The following SLC25A28 variants were observed in gnomAD, a reference collection of about 807,000 sequenced individuals.
SLC25A28 encodes the protein mitoferrin-2.
Under a neutral mutation model 31.9 loss-of-function variants are expected in SLC25A28, and 10 were observed. That is an observed-to-expected ratio of 0.31 (90% CI 0.19 to 0.53). The LOEUF (loss-of-function observed/expected upper bound fraction) is 0.53. Among genes scored for constraint, SLC25A28 ranks in the 20% least tolerant of loss-of-function variants. The pLI is 0.95. For missense variants in SLC25A28, 256 were observed against 490.3 expected (o/e 0.52, Z 4.51); for synonymous variants, 208 against 203.6 (o/e 1.02, Z -0.19).
At chr10:99,624,237 TTC>T (rs143239655), upstream of SLC25A28, among the ~76,000 whole-genome samples, 60,891 of 148,242 alleles carry the variant, frequency 0.41, 12,885 homozygotes, top group East Asian at 0.54. Flanking sequence ...TCTTTCTTTT[TTC>T]TCTCTTTCTT....
chr10:99,655,983 A>G, the SLC25A28 span, among the ~76,000 whole-genome samples: 3 of 152,210 alleles, frequency 2.0e-5, no homozygotes, highest in African/African-American at 7.2e-5. Context: ...TCATTGGAAT[A>G]AGAAACTACT....
chr10:99,648,889 C>T, the SLC25A28 span, among the ~76,000 whole-genome samples: 1 of 152,104 alleles, frequency 6.6e-6, no homozygotes, highest in African/African-American at 2.4e-5. Context: ...GATAGAAGAT[C>T]ATATCATCAG....
chr10:99,624,089 CTCTT>C (rs765444274), upstream of SLC25A28, among the ~76,000 whole-genome samples: 54 of 150,424 alleles, frequency 3.6e-4, no homozygotes, highest in East Asian at 6.7e-3. Context: ...TTCCTTTCTT[CTCTT>C]TCTTTCTTCC....
At chr10:99,637,432 C>A in the SLC25A28 span, among the ~76,000 whole-genome samples, 1 of 152,070 alleles carries the variant, frequency 6.6e-6, no homozygotes, top group African/African-American at 2.4e-5. Context: ...ATGGAAGTCC[C>A]AGCCAGAGCA....
Position 99,611,413 on chromosome 10 carries a change from G to C in SLC25A28, c.578-47C>G. The C allele has an allele frequency of 6.3e-7, 1 of 1,598,164 alleles. No individual in the cohort carries two copies. The highest frequency in any genetic ancestry group is 8.5e-7 in the Non-Finnish European group (1 of 1,171,072). On this transcript the variant is annotated intron_variant, in intron 3 of 3. Transcript: ENST00000370495. This position sits in a 1 kb window ranked among gnomAD's most constrained non-coding sequence, Gnocchi z 5.5. ...AAGGAAATGGTGACAGCAGCCAACC[G>C]GTGATGGAGAGTATCCAGATTCAGA...
upstream of SLC25A28, chr10:99,622,627 AC>A: frequency 1.0e-6 from 1 of 985,202 alleles, no homozygotes; most frequent in Non-Finnish European, 1.2e-6. Flanking sequence ...ACTTGCCGCC[AC>A]ACCACATTGG....
chr10:99,620,032 G>A lies in SLC25A28; in HGVS notation c.291+13C>T, dbSNP rs764177764. ...AGCCCCAGGTCGGGTTCGAAGCCGG[G>A]TGCAGGTCTCACCTTGACGCAGTCG... On this transcript the variant is annotated intron_variant, in intron 1 of 3. Coordinates refer to ENST00000370495, the MANE Select transcript of SLC25A28 (RefSeq NM_031212.4). 4 of 1,568,982 alleles carry A rather than the reference G, an allele frequency of 2.5e-6. No individual in the cohort carries two copies. The highest frequency in any genetic ancestry group is 1.1e-5 in the South Asian group (1 of 89,658).
the SLC25A28 span, among the ~76,000 whole-genome samples, chr10:99,627,227 C>T: frequency 6.6e-6 from 1 of 151,754 alleles, no homozygotes; most frequent in South Asian, 2.1e-4. Context: ...GGCGACAGAC[C>T]GAGACAATCT....
chr10:99,645,195 C>T, the SLC25A28 span, among the ~76,000 whole-genome samples: 1 of 152,220 alleles, frequency 6.6e-6, no homozygotes, highest in Admixed American at 6.5e-5. Flanking sequence ...GTACACCAAT[C>T]AGATGTAGAT....
At chr10:99,630,593 A>T in the SLC25A28 span, among the ~76,000 whole-genome samples, 4 of 152,232 alleles carry the variant, frequency 2.6e-5, no homozygotes, top group Non-Finnish European at 5.9e-5. Flanking sequence ...TGAACATCCA[A>T]TTGGTGCTAG....
At chr10:99,626,748 T>G in the SLC25A28 span, among the ~76,000 whole-genome samples, 1 of 151,892 alleles carries the variant, frequency 6.6e-6, no homozygotes. Flanking sequence ...ATGTGGGATA[T>G]TCTGTGTACA....
the SLC25A28 span, among the ~76,000 whole-genome samples, chr10:99,642,047 T>C: frequency 3.4e-3 from 505 of 147,720 alleles, 2 homozygotes; most frequent in Non-Finnish European, 6.1e-3. Flanking sequence ...CTTGGCAATG[T>C]GGGCTCTTTT....
chr10:99,637,921 A>G, the SLC25A28 span, among the ~76,000 whole-genome samples: 1 of 152,200 alleles, frequency 6.6e-6, no homozygotes, highest in Non-Finnish European at 1.5e-5. Context: ...TACCGTCATC[A>G]TTCTTCGCAG....
upstream of SLC25A28, among the ~76,000 whole-genome samples, chr10:99,624,760 G>A (rs1041266046): frequency 2.6e-5 from 4 of 152,086 alleles, no homozygotes; most frequent in Admixed American, 6.5e-5. Flanking sequence ...ACTTGAACCC[G>A]GGATGCAGAG....
Position 99,611,496 on chromosome 10 carries a change from G to T in SLC25A28, c.578-130C>A. 3 of 1,170,164 alleles carry T rather than the reference G, an allele frequency of 2.6e-6. No homozygotes were observed. Among genetic ancestry groups the T allele is most frequent in the Non-Finnish European group, 3.6e-6 (3 of 836,040 alleles). The allele number at this position is 1,170,164 out of a possible 1,614,324, so 72.5% of individuals were successfully genotyped here. A position where few individuals can be genotyped will look rare whatever the true frequency, so the allele number is the denominator to read the frequency against. ...AGAGAGAAAAAAGTATGAGTGAGCT[G>T]CTGGCTAACCTGAGAAGTCAGCTTC... is the stretch of plus-strand genomic sequence containing the variant. On this transcript the variant is annotated intron_variant, in intron 3 of 3. Transcript: ENST00000370495. The surrounding 1 kb of genome is among the most constrained non-coding windows in gnomAD (Gnocchi z 5.5).
At chr10:99,651,425 T>C in the SLC25A28 span, among the ~76,000 whole-genome samples, 2 of 152,106 alleles carry the variant, frequency 1.3e-5, no homozygotes, top group African/African-American at 4.8e-5. Flanking sequence ...TGCTTTCTCA[T>C]TATTTAATTT....
the SLC25A28 span, among the ~76,000 whole-genome samples, chr10:99,635,137 C>T: frequency 1.3e-5 from 2 of 152,182 alleles, no homozygotes; most frequent in Admixed American, 6.5e-5. Context: ...ACAAGAACTG[C>T]TAAACAGAGT....
the SLC25A28 span, among the ~76,000 whole-genome samples, chr10:99,629,368 C>T: frequency 6.6e-6 from 1 of 152,164 alleles, no homozygotes; most frequent in East Asian, 1.9e-4. Context: ...AGCCAAAAAA[C>T]CTCTTTTCTT....
chr10:99,635,114 C>T, the SLC25A28 span, among the ~76,000 whole-genome samples: 9 of 152,296 alleles, frequency 5.9e-5, no homozygotes, highest in South Asian at 8.3e-4. Context: ...TTAGCCACTA[C>T]GAAGTCACCA....
Sources: allele counts gnomAD v4.1 joint callset (sites outside exome capture counted in the v4.1 genomes callset), GRCh38; gene constraint gnomAD v4.1.1; non-coding constraint Gnocchi (gnomAD v3.1); transcripts MANE v1.5; gene names NCBI Gene and HGNC (gene_info 2026-07-23, HGNC 2026-07-21).